The following GRB10 variants were observed in gnomAD, a reference collection of about 807,000 sequenced individuals.
GRB10 encodes growth factor receptor bound protein 10.
A neutral mutation model predicts 80.9 loss-of-function variants in GRB10; 20 were observed. That is an observed-to-expected ratio of 0.25 (90% CI 0.17 to 0.36). The LOEUF (loss-of-function observed/expected upper bound fraction) is 0.36, where lower values mean the gene tolerates loss of function less well. GRB10 is among the 10% of genes least tolerant of loss of function. The pLI is 1.00. For synonymous variants in GRB10, 291 were observed against 291.5 expected, an observed-to-expected ratio of 1.00 and a Z score of 0.02; for missense variants, 548 against 747.7, an observed-to-expected ratio of 0.73 and a Z score of 3.12.
intron 7 of GRB10, among the ~76,000 whole-genome samples, chr7:50,662,788 C>T (rs2059412523): frequency 6.6e-6 from 1 of 152,210 alleles, no homozygotes; most frequent in Non-Finnish European, 1.5e-5. Context: ...AAGATTCTAC[C>T]TGATAGAATC....
intron 2 of GRB10, chr7:50,779,916 CA>C (rs1337239197): frequency 2.0e-5 from 3 of 152,190 alleles, no homozygotes; most frequent in Admixed American, 6.5e-5. Flanking sequence ...TGCCTTCAGG[CA>C]AGTCTCCACA....
chr7:50,674,666 GA>G lies in GRB10; in HGVS notation c.140-9del. ...CCAGGTCCACATCATCCTCTGCACA[GA>G]AAAAGGCAAGAGCAAAAAAGAAACT... On this transcript the variant is annotated splice_polypyrimidine_tract_variant and intron_variant, in intron 5 of 18. Transcript: ENST00000401949. 1.2e-6 allele frequency: 2 copies of G among 1,612,186 alleles called. No individual in the cohort carries two copies.
chr7:50,791,547 G>A (rs1327476610), intron 1 of GRB10, among the ~76,000 whole-genome samples: 1 of 152,220 alleles, frequency 6.6e-6, no homozygotes, highest in Admixed American at 6.5e-5. Flanking sequence ...TTGGTTTTCA[G>A]ACCTGTAAAA....
intron 10 of GRB10, among the ~76,000 whole-genome samples, chr7:50,617,246 T>G (rs551585646): frequency 3.3e-5 from 5 of 152,230 alleles, no homozygotes; most frequent in Non-Finnish European, 7.3e-5. Flanking sequence ...TCTGAAACTC[T>G]TATCTTTTAG....
At chr7:50,724,891 A>G (rs899073271) in intron 4 of GRB10, among the ~76,000 whole-genome samples, 22 of 152,166 alleles carry the variant, frequency 1.4e-4, no homozygotes, top group Admixed American at 6.5e-4. Context: ...CCCTTTGGTA[A>G]TCAAGTAATA....
intron 7 of GRB10, among the ~76,000 whole-genome samples, chr7:50,629,924 T>C (rs2715117): frequency 0.83 from 126,384 of 152,212 alleles, 52,930 homozygotes; most frequent in East Asian, 0.94. Context: ...AAGGCCCTTG[T>C]CCCGCAGCAA....
At chr7:50,771,845 G>A (rs551802581) in intron 2 of GRB10, among the ~76,000 whole-genome samples, 1 of 152,192 alleles carries the variant, frequency 6.6e-6, no homozygotes, top group Non-Finnish European at 1.5e-5. Context: ...ATCTATTTCT[G>A]ACCTGGCAAC....
At chr7:50,688,441 C>T (rs1042829809) in intron 5 of GRB10, among the ~76,000 whole-genome samples, 7 of 152,152 alleles carry the variant, frequency 4.6e-5, no homozygotes, top group African/African-American at 1.2e-4. Context: ...AAGGTAGTGT[C>T]ATCTTTGTCA....
In GRB10 at chr7:50,732,199, G is replaced by C. The variant is rs926829600; in HGVS notation, c.51+73C>G. ...AGAGCTACAGAAACGATCCATGGCT[G>C]CTGGCGACATGTGTGCCCTGGCCCT... On this transcript the variant is annotated intron_variant, in intron 4 of 18. Transcript: ENST00000401949. The C allele has an allele frequency of 3.4e-5, 50 of 1,464,404 alleles. 1 individual carries two copies. The Admixed American group carries it at 6.7e-4, about 20-fold the overall frequency. The allele number at this position is 1,464,404 out of a possible 1,614,324, so 90.7% of individuals were successfully genotyped here.
At chr7:50,682,493 C>G (rs2061656248) in intron 5 of GRB10, among the ~76,000 whole-genome samples, 1 of 152,236 alleles carries the variant, frequency 6.6e-6, no homozygotes, top group Non-Finnish European at 1.5e-5. Flanking sequence ...ATTTGAAAAT[C>G]AATGATCATG....
At chr7:50,694,634 C>T (rs913807191) in intron 5 of GRB10, among the ~76,000 whole-genome samples, 31 of 152,226 alleles carry the variant, frequency 2.0e-4, no homozygotes, top group African/African-American at 7.0e-4. Context: ...CCTCACCTAC[C>T]CACAGGCTGG....
Position 50,681,098 on chromosome 7 carries a change from C to T in GRB10, c.140-6440G>A, listed in dbSNP as rs528408177. Among the ~76,000 whole-genome samples, 82 of 152,298 alleles carry T rather than the reference C, an allele frequency of 5.4e-4. No individual in the cohort carries two copies. The South Asian group carries it at 0.015, about 27-fold the overall frequency. On this transcript the variant is annotated intron_variant, in intron 5 of 18. Coordinates refer to ENST00000401949, the MANE Select transcript of GRB10 (RefSeq NM_001350814.2). ...ACATTCTTTCTAAATAAAGCACTACCCCGCCCTTTGAGTGTTTAAGTATCT... is the reference window on the plus strand; with the variant it reads ...ACATTCTTTCTAAATAAAGCACTACTCCGCCCTTTGAGTGTTTAAGTATCT...
At chr7:50,747,832 G>T (rs929159134) in intron 3 of GRB10, among the ~76,000 whole-genome samples, 1 of 150,602 alleles carries the variant, frequency 6.6e-6, no homozygotes, top group African/African-American at 2.4e-5. Flanking sequence ...TGGGCAAGTA[G>T]AAGGAGGGCG....
At chr7:50,664,145 G>A (rs1475522397) in intron 7 of GRB10, among the ~76,000 whole-genome samples, 1 of 152,166 alleles carries the variant, frequency 6.6e-6, no homozygotes, top group Non-Finnish European at 1.5e-5. Context: ...AGCTACTTCT[G>A]CCCTGACTTC....
intron 2 of GRB10, among the ~76,000 whole-genome samples, chr7:50,757,343 C>T (rs114792274): frequency 0.01 from 1,554 of 152,300 alleles, 17 homozygotes; most frequent in African/African-American, 0.035. Flanking sequence ...CAGGGTTCAA[C>T]GTATAGCAAA....
At chr7:50,602,890 C>T (rs1410069533) in intron 17 of GRB10, among the ~76,000 whole-genome samples, 2 of 151,266 alleles carry the variant, frequency 1.3e-5, no homozygotes, top group African/African-American at 4.9e-5. Context: ...TCTGAAATTT[C>T]CTTTAAAATA....
At chr7:50,674,157 G>A (rs1375874618) in intron 6 of GRB10, among the ~76,000 whole-genome samples, 1 of 152,172 alleles carries the variant, frequency 6.6e-6, no homozygotes, top group African/African-American at 2.4e-5. Context: ...TTCCTCTGGT[G>A]GTTTTCCTGC....
intron 7 of GRB10, among the ~76,000 whole-genome samples, chr7:50,641,860 C>A (rs907040238): frequency 6.6e-6 from 1 of 152,142 alleles, no homozygotes; most frequent in Admixed American, 6.5e-5. Flanking sequence ...TTACCGTGAG[C>A]GAGCCCAGAG....
intron 3 of GRB10, among the ~76,000 whole-genome samples, chr7:50,743,867 G>A (rs1419911799): frequency 6.6e-6 from 1 of 152,174 alleles, no homozygotes; most frequent in African/African-American, 2.4e-5. Flanking sequence ...CAACTGATCT[G>A]AGACCCAGAA....
Sources: allele counts gnomAD v4.1 joint callset (sites outside exome capture counted in the v4.1 genomes callset), GRCh38; gene constraint gnomAD v4.1.1; transcripts MANE v1.5; gene names NCBI Gene and HGNC (gene_info 2026-07-23, HGNC 2026-07-21).